The following ARHGAP10 variants were observed in gnomAD, a reference collection of about 807,000 sequenced individuals.
The protein encoded by ARHGAP10 is Rho GTPase activating protein 10.
ARHGAP10 carries 87 observed loss-of-function variants against 108.6 expected under a neutral mutation model. The observed-to-expected ratio is 0.80, with a 90% CI of 0.67 to 0.96. The LOEUF is 0.96. Ranked by LOEUF, ARHGAP10 falls within the 40% of genes least tolerant of loss-of-function variation. The pLI is 0.00. For missense variants in ARHGAP10, 939 were observed against 954.5 expected, an observed-to-expected ratio of 0.98 and a Z score of 0.21; for synonymous variants, 347 against 341.1, an observed-to-expected ratio of 1.02 and a Z score of -0.19.
At chr4:147,930,629 GT>G (rs1275132485) in intron 13 of ARHGAP10, among the ~76,000 whole-genome samples, 1 of 152,098 alleles carries the variant, frequency 6.6e-6, no homozygotes, top group Non-Finnish European at 1.5e-5. Flanking sequence ...GAAATTAAAT[GT>G]TATGTAATTT....
chr4:147,806,453 A>G (rs1034544502), intron 1 of ARHGAP10, among the ~76,000 whole-genome samples: 3 of 151,394 alleles, frequency 2.0e-5, no homozygotes, highest in Non-Finnish European at 2.9e-5. Flanking sequence ...GGCATTATAT[A>G]GTACCAGATT....
At chr4:148,035,665 A>T (rs963521168) in intron 19 of ARHGAP10, among the ~76,000 whole-genome samples, 1 of 152,158 alleles carries the variant, frequency 6.6e-6, no homozygotes, top group Admixed American at 6.5e-5. Context: ...GTAACTGAGA[A>T]TTGGACTAAG....
At chr4:147,919,030 C>T (rs763335869) in intron 13 of ARHGAP10, among the ~76,000 whole-genome samples, 10 of 152,276 alleles carry the variant, frequency 6.6e-5, no homozygotes, top group East Asian at 1.9e-4. Flanking sequence ...CAATTGCTTC[C>T]GAAGGTGGCT....
At chr4:147,876,140 G>C (rs190835867) in intron 8 of ARHGAP10, among the ~76,000 whole-genome samples, 12 of 152,324 alleles carry the variant, frequency 7.9e-5, no homozygotes, top group Admixed American at 5.2e-4. Flanking sequence ...GCAGGCAGCA[G>C]GATGGTTGTG....
chr4:147,914,517 T>C (rs1473191913), intron 13 of ARHGAP10, among the ~76,000 whole-genome samples: 1 of 151,054 alleles, frequency 6.6e-6, no homozygotes, highest in Non-Finnish European at 1.5e-5. Flanking sequence ...GCCACCATGC[T>C]TGTCCCTGAG....
At chr4:147,898,093 C>T (rs763674388) in intron 10 of ARHGAP10, among the ~76,000 whole-genome samples, 24 of 151,994 alleles carry the variant, frequency 1.6e-4, no homozygotes, top group South Asian at 2.1e-4. Flanking sequence ...TTAACACTAA[C>T]GTATTTGTCC....
intron 10 of ARHGAP10, among the ~76,000 whole-genome samples, chr4:147,896,000 T>G (rs2126892318): frequency 6.6e-6 from 1 of 152,364 alleles, no homozygotes; most frequent in South Asian, 2.1e-4. Context: ...AATATGTTTC[T>G]TTAATCTTTG....
intron 1 of ARHGAP10, among the ~76,000 whole-genome samples, chr4:147,784,593 ATATAT>A (rs1413376971): frequency 7.1e-5 from 8 of 112,742 alleles, no homozygotes; most frequent in African/African-American, 3.0e-4. Flanking sequence ...TATTATAAAT[ATATAT>A]TATATATTTA....
intron 19 of ARHGAP10, among the ~76,000 whole-genome samples, chr4:148,031,816 C>T (rs569237899): frequency 1.3e-5 from 2 of 152,194 alleles, no homozygotes; most frequent in African/African-American, 4.8e-5. Flanking sequence ...CAAGCATGGG[C>T]CCTCCAGGAG....
intron 19 of ARHGAP10, among the ~76,000 whole-genome samples, chr4:148,043,039 C>G (rs745382792): frequency 6.6e-6 from 1 of 152,104 alleles, no homozygotes. Context: ...AAGACCAAGA[C>G]GTGGTCTGCA....
At position 147,864,864 on chromosome 4, in the gene ARHGAP10, C is replaced by G; in HGVS notation, c.505C>G (p.Gln169Glu). Residue 169 changes from glutamine (Q) to glutamate (E), a missense_variant, in exon 6 of 23, where the codon CAG becomes GAG. By Grantham distance (29) the Gln-to-Glu change is conservative. Coordinates refer to ENST00000336498, the MANE Select transcript of ARHGAP10 (RefSeq NM_024605.4). ...AACATAGGCAGATATCCAAGTAGAGCAGAACCGGCAACACTTCTATGAACT... is the reference window on the plus strand; with the variant it reads ...AACATAGGCAGATATCCAAGTAGAGGAGAACCGGCAACACTTCTATGAACT... ...HLQEADIQVE[Q>E]NRQHFYELSL... The G allele has an allele frequency of 3.1e-6, 5 of 1,613,670 alleles. No individual in the cohort carries two copies. Among genetic ancestry groups the G allele is most frequent in the Non-Finnish European group, 4.2e-6 (5 of 1,179,848 alleles).
chr4:147,988,692 G>C (rs1049383193), intron 18 of ARHGAP10, among the ~76,000 whole-genome samples: 1 of 152,174 alleles, frequency 6.6e-6, no homozygotes, highest in African/African-American at 2.4e-5. Context: ...ATAAAAAAAT[G>C]GGGTCTAGAA....
chr4:147,963,574 G>A (rs949750074), intron 16 of ARHGAP10, among the ~76,000 whole-genome samples: 1 of 152,214 alleles, frequency 6.6e-6, no homozygotes, highest in Non-Finnish European at 1.5e-5. Flanking sequence ...GTTAATAAGA[G>A]CCACGTATAA....
intron 20 of ARHGAP10, among the ~76,000 whole-genome samples, chr4:148,057,100 G>A (rs897871657): frequency 2.0e-5 from 3 of 152,166 alleles, no homozygotes; most frequent in Non-Finnish European, 2.9e-5. Context: ...GGGGGCACTC[G>A]TAAGTCATTC....
chr4:147,760,420 C>T (rs1029929153), intron 1 of ARHGAP10, among the ~76,000 whole-genome samples: 1 of 152,170 alleles, frequency 6.6e-6, no homozygotes, highest in Non-Finnish European at 1.5e-5. Context: ...GGTTTGAATC[C>T]AGCAGCTCCC....
At chr4:147,798,781 C>CTCTATATATATATA (rs1731452503) in intron 1 of ARHGAP10, among the ~76,000 whole-genome samples, 1 of 7,240 alleles carries the variant, frequency 1.4e-4, no homozygotes, top group African/African-American at 2.3e-4. Flanking sequence ...CTCTCTCTCT[C>CTCTATATATATATA]TATATATATA....
chr4:147,830,512 C>CTTTTTTTTT (rs56946602), intron 3 of ARHGAP10, among the ~76,000 whole-genome samples: 34 of 102,266 alleles, frequency 3.3e-4, no homozygotes, highest in African/African-American at 6.5e-4. Context: ...ACCACAATTC[C>CTTTTTTTTT]TTTTTTTTTT....
chr4:147,959,430 C>T (rs1163296192), intron 16 of ARHGAP10, among the ~76,000 whole-genome samples: 5 of 152,042 alleles, frequency 3.3e-5, no homozygotes, highest in South Asian at 2.1e-4. Flanking sequence ...AGATTTGTTA[C>T]GTATGTATAC....
chr4:147,982,821 A>G (rs1031752326), intron 18 of ARHGAP10, among the ~76,000 whole-genome samples: 3 of 152,032 alleles, frequency 2.0e-5, no homozygotes, highest in African/African-American at 4.8e-5. Context: ...AGGAATGCCA[A>G]TAAGGTATAC....
Sources: gnomAD v4.1 joint callset for allele counts (sites outside exome capture counted in the v4.1 genomes callset) on GRCh38, gnomAD v4.1.1 for gene constraint, MANE v1.5 for transcripts, NCBI Gene and HGNC (gene_info 2026-07-23, HGNC 2026-07-21) for gene names.